The following CDH23 variants were observed in gnomAD, a reference collection of about 807,000 sequenced individuals.
The protein encoded by CDH23 is cadherin related 23.
CDH23 carries 189 observed loss-of-function variants against 317.1 expected under a neutral mutation model. The ratio of observed to expected loss-of-function variants is 0.60; its 90% CI spans 0.53 to 0.67. CDH23 has a LOEUF of 0.67. Ranked by LOEUF, CDH23 falls within the 30% of genes least tolerant of loss-of-function variation. The pLI is 0.00. For missense variants in CDH23, 4,401 were observed against 4,592.4 expected, an observed-to-expected ratio of 0.96 and a Z score of 1.20; for synonymous variants, 1,839 against 1,876.8, an observed-to-expected ratio of 0.98 and a Z score of 0.52.
intron 38 of CDH23, chr10:71,761,795 T>A: frequency 6.2e-7 from 1 of 1,614,130 alleles, no homozygotes; most frequent in Non-Finnish European, 8.5e-7. Flanking sequence ...GTTGGCAGCC[T>A]GGTGGCCTCC....
intron 27 of CDH23, among the ~76,000 whole-genome samples, chr10:71,709,499 A>G (rs560658383): frequency 9.3e-4 from 142 of 152,384 alleles, no homozygotes; most frequent in African/African-American, 3.1e-3. Flanking sequence ...AAAGGATGAC[A>G]TAAGAGTATT....
intron 1 of CDH23, among the ~76,000 whole-genome samples, chr10:71,403,284 C>A (rs1473550927): frequency 6.6e-6 from 1 of 151,884 alleles, no homozygotes; most frequent in African/African-American, 2.4e-5. Flanking sequence ...TGCCGGTACC[C>A]CTTTCATTTG....
intron 38 of CDH23, among the ~76,000 whole-genome samples, chr10:71,760,312 C>T (rs201155512): frequency 0.038 from 4,119 of 108,314 alleles, 653 homozygotes; most frequent in East Asian, 0.26. Flanking sequence ...TATATACACA[C>T]ACATATATAT....
chr10:71,718,906 GAAA>G (rs78421738), intron 28 of CDH23, among the ~76,000 whole-genome samples: 1 of 139,066 alleles, frequency 7.2e-6, no homozygotes, highest in Non-Finnish European at 1.6e-5. Context: ...ATTTCTGAAA[GAAA>G]AAAAAAAAAG....
rs550596610 is a variant in CDH23, at chr10:71,797,254, C to A, written c.6829+34C>A. On this transcript the variant is annotated intron_variant, in intron 49 of 69. Transcript: ENST00000224721. ...CCCTGCAGACATCTCTCATTGGTCA[C>A]TCAGAGCCAATCAGGGCAGGGGGCA... 8.1e-6 allele frequency: 12 copies of A among 1,476,412 alleles called. No homozygotes were observed. In the Middle Eastern group the frequency reaches 6.9e-4, roughly 85 times the overall value. The allele number at this position is 1,476,412 out of a possible 1,614,324, so 91.5% of individuals were successfully genotyped here. A position where few individuals can be genotyped will look rare whatever the true frequency, so the allele number is the denominator to read the frequency against.
intron 1 of CDH23, among the ~76,000 whole-genome samples, chr10:71,438,687 C>A (rs1488351634): frequency 6.6e-6 from 1 of 152,176 alleles, no homozygotes; most frequent in Non-Finnish European, 1.5e-5. Context: ...TATTCACTGC[C>A]CTGTGTCTTT....
At chr10:71,484,200 A>G (rs1377306806) in intron 3 of CDH23, among the ~76,000 whole-genome samples, 5 of 152,206 alleles carry the variant, frequency 3.3e-5, no homozygotes. Flanking sequence ...CCTCATTAAT[A>G]ACTGTAATGC....
At chr10:71,494,049 G>A (rs1011581692) in intron 3 of CDH23, among the ~76,000 whole-genome samples, 7 of 152,012 alleles carry the variant, frequency 4.6e-5, no homozygotes, top group Non-Finnish European at 8.8e-5. Context: ...TTCATTTTTC[G>A]GAGAATTTTT....
intron 14 of CDH23, among the ~76,000 whole-genome samples, chr10:71,652,353 T>C (rs895063988): frequency 2.6e-5 from 4 of 152,266 alleles, no homozygotes; most frequent in Non-Finnish European, 5.9e-5. Context: ...ACTCCTTCTC[T>C]GGGACTTGGC....
At chr10:71,517,840 C>T (rs772007622) in intron 6 of CDH23, among the ~76,000 whole-genome samples, 4 of 152,194 alleles carry the variant, frequency 2.6e-5, no homozygotes, top group Admixed American at 6.5e-5. Flanking sequence ...CAGCCCCAGA[C>T]GATGTCTCTA....
At position 71,735,320 on chromosome 10, in the gene CDH23, G is replaced by A. The variant is rs184601830; in HGVS notation, c.4209+662G>A. Among the ~76,000 whole-genome samples the A allele has an allele frequency of 2.0e-5, 3 of 152,300 alleles. No individual in the cohort carries two copies. The East Asian group carries it at 5.8e-4, about 29-fold the overall frequency. On this transcript the variant is annotated intron_variant, in intron 34 of 69. Coordinates refer to ENST00000224721, the MANE Select transcript of CDH23 (RefSeq NM_022124.6). ...TCTAAGTAAAGGCAGAGAAGACCAT[G>A]TGCTGGGCCCCTGGGGGAGGGGGGC...
intron 9 of CDH23, among the ~76,000 whole-genome samples, chr10:71,608,164 C>T (rs1159681667): frequency 1.3e-5 from 2 of 152,202 alleles, no homozygotes; most frequent in Non-Finnish European, 2.9e-5. Context: ...TTTTCACATC[C>T]TGCGAGTTCA....
chr10:71,600,873 G>A (rs912369546), intron 9 of CDH23, among the ~76,000 whole-genome samples: 2 of 152,114 alleles, frequency 1.3e-5, no homozygotes, highest in Non-Finnish European at 2.9e-5. Context: ...AGAGTTCCTG[G>A]GGAAACCCTG....
Position 71,690,531 on chromosome 10 carries a change from C to T in CDH23, c.2123C>T (p.Ser708Phe). The T allele has an allele frequency of 6.2e-7, 1 of 1,611,346 alleles. No homozygotes were observed. Among genetic ancestry groups the T allele is most frequent in the South Asian group, 1.1e-5 (1 of 90,168 alleles). The change falls in exon 20 of 70, where the codon TCC becomes TTC. Residue 708 changes from serine to phenylalanine, a missense_variant. Transcript: ENST00000224721. Reference protein sequence around the residue: ...LDRSREYGQESIIYSLEGSTQ... With the variant: ...LDRSREYGQEFIIYSLEGSTQ... ...CGCTCCCGGGAGTACGGCCAGGAGTCCATCATCTACTCCTTGGAAGGCTCC... is the reference window on the plus strand; with the variant it reads ...CGCTCCCGGGAGTACGGCCAGGAGTTCATCATCTACTCCTTGGAAGGCTCC...
intron 34 of CDH23, among the ~76,000 whole-genome samples, chr10:71,735,210 G>A (rs890811246): frequency 2.2e-4 from 34 of 152,212 alleles, no homozygotes; most frequent in African/African-American, 7.7e-4. Flanking sequence ...TGGTGCAAGT[G>A]TGTGGGGTGG....
intron 38 of CDH23, among the ~76,000 whole-genome samples, chr10:71,762,503 G>A (rs1343809668): frequency 6.6e-6 from 1 of 152,258 alleles, no homozygotes; most frequent in Non-Finnish European, 1.5e-5. Context: ...GCGTGTGCAA[G>A]GCCTGGGCCA....
intron 44 of CDH23, 103 bp downstream of exon 44, chr10:71,785,841 C>G (rs1009147661): frequency 1.3e-6 from 1 of 786,566 alleles, no homozygotes; most frequent in Non-Finnish European, 2.2e-6. Flanking sequence ...CTTAGATGCA[C>G]AGGCTTTGGA....
At chr10:71,542,677 T>TG (rs1238278853) in intron 6 of CDH23, among the ~76,000 whole-genome samples, 1 of 152,202 alleles carries the variant, frequency 6.6e-6, no homozygotes, top group Non-Finnish European at 1.5e-5. Flanking sequence ...TGCTGATACC[T>TG]GGCGTGAAAT....
chr10:71,807,856 C>A lies in CDH23; in HGVS notation c.8571C>A (p.Thr2857=), dbSNP rs1314210271. 1 of 1,601,476 alleles carries A rather than the reference C, an allele frequency of 6.2e-7. No individual in the cohort carries two copies. ...TKAEYTAGVA[T]DAKVGSELIQ... ...TGCCTCTTCCTGCAGGGGTGGCCAC[C>A]GACGCCAAGGTGGGCTCAGAGTTGA... The change falls in exon 60 of 70, where the codon ACC becomes ACA. Residue 2857 remains threonine (T), a synonymous_variant. Transcript: ENST00000224721.
Sources: gnomAD v4.1 joint callset for allele counts (sites outside exome capture counted in the v4.1 genomes callset) on GRCh38, gnomAD v4.1.1 for gene constraint, MANE v1.5 for transcripts, NCBI Gene and HGNC (gene_info 2026-07-23, HGNC 2026-07-21) for gene names.